The following USP15 variants were observed in gnomAD, a reference collection of about 807,000 sequenced individuals.
The protein encoded by USP15 is ubiquitin carboxyl-terminal hydrolase 15.
USP15 carries 18 observed loss-of-function variants against 127.1 expected under a neutral mutation model. The ratio of observed to expected loss-of-function variants is 0.14; its 90% confidence interval spans 0.10 to 0.21. USP15 has a LOEUF of 0.21. Ranked by LOEUF, USP15 falls within the 10% of genes least tolerant of loss-of-function variation. The pLI, the probability that USP15 is intolerant of heterozygous loss-of-function variation, is 1.00. For synonymous variants in USP15, 364 were observed against 393.7 expected (o/e 0.92, Z 0.89); for missense variants, 805 against 1,159.9 (o/e 0.69, Z 4.44).
rs757194811 is a variant in USP15 at position 62,404,187 on chromosome 12, T to G, written c.2764-6T>G. ...ATAACTGTTTTAACATCCTTTGTTT[T>G]GACAGTCCAAAGCAGCATATGTACT... On this transcript the variant is annotated splice_region_variant and splice_polypyrimidine_tract_variant and intron_variant, in intron 21 of 21. Coordinates refer to ENST00000280377, the MANE Select transcript of USP15 (RefSeq NM_001252078.2). 1.3e-6 allele frequency: 2 copies of G among 1,595,864 alleles called. No homozygotes were observed. The highest frequency in any genetic ancestry group is 2.3e-5 in the South Asian group (2 of 88,394).
At chr12:62,342,871 A>G (rs1345708415) in intron 6 of USP15, among the ~76,000 whole-genome samples, 1 of 152,186 alleles carries the variant, frequency 6.6e-6, no homozygotes, top group African/African-American at 2.4e-5. Context: ...GGCAGGAGAC[A>G]CGGGATCAGG....
chr12:62,342,509 G>A (rs1000752583), intron 6 of USP15, among the ~76,000 whole-genome samples: 4 of 152,226 alleles, frequency 2.6e-5, no homozygotes, highest in African/African-American at 7.2e-5. Flanking sequence ...AATTTTCAGC[G>A]TTTTTGTGCT....
At chr12:62,382,564 AAT>A (rs2067023532) in intron 9 of USP15, among the ~76,000 whole-genome samples, 1 of 151,954 alleles carries the variant, frequency 6.6e-6, no homozygotes, top group South Asian at 2.1e-4. Context: ...CTAGCATTCT[AAT>A]TGGTTTTATT....
rs1463009075 is a variant in USP15 at position 62,321,584 on chromosome 12, A to C, written c.596A>C (p.Gln199Pro). The change falls in exon 5 of 22, where the codon CAG becomes CCG. Residue 199 changes from glutamine to proline, a missense_variant. Coordinates refer to ENST00000280377, the MANE Select transcript of USP15 (RefSeq NM_001252078.2). Reference sequence around the variant, plus strand: ...CTGAATAAACCAGACAGCACCATTCAGGATGCTGGTTTATACCAAGGACAG... The same window carrying C: ...CTGAATAAACCAGACAGCACCATTCCGGATGCTGGTTTATACCAAGGACAG... ...EPLNKPDSTI[Q>P]DAGLYQGQVL... 2.5e-6 allele frequency: 4 copies of C among 1,595,754 alleles called. No homozygotes were observed. Among genetic ancestry groups the C allele is most frequent in the Non-Finnish European group, 2.6e-6 (3 of 1,171,962 alleles).
intron 1 of USP15, among the ~76,000 whole-genome samples, chr12:62,273,792 C>G (rs143719442): frequency 6.6e-5 from 10 of 152,002 alleles, no homozygotes; most frequent in Non-Finnish European, 1.5e-4. Context: ...GGCTCTTATT[C>G]TACGAAGTTT....
chr12:62,357,545 A>G (rs1592659759), intron 8 of USP15, among the ~76,000 whole-genome samples: 1 of 152,098 alleles, frequency 6.6e-6, no homozygotes, highest in African/African-American at 2.4e-5. Context: ...TTATAATTTT[A>G]TGGTAATAGC....
In USP15 at chr12:62,280,946, T is replaced by C. The variant is rs116246551; in HGVS notation, c.90-13233T>C. On this transcript the variant is annotated intron_variant, in intron 1 of 21. Coordinates refer to ENST00000280377, the MANE Select transcript of USP15 (RefSeq NM_001252078.2). ...TTGTATTGGTTGATATCCTAATGAC[T>C]TTAAGTCCATAAAAGAAACTCAAAG... is the stretch of plus-strand genomic sequence containing the variant. Among the ~76,000 whole-genome samples the C allele has an allele frequency of 5.0e-3, 764 of 152,332 alleles. 5 individuals are homozygous for C. Among genetic ancestry groups the C allele is most frequent in the Middle Eastern group, 0.02 (6 of 294 alleles).
chr12:62,280,294 A>C (rs1362847071), intron 1 of USP15, among the ~76,000 whole-genome samples: 2 of 152,114 alleles, frequency 1.3e-5, no homozygotes, highest in Non-Finnish European at 2.9e-5. Flanking sequence ...AGGGTTATGG[A>C]GGGATTCCCT....
chr12:62,337,411 G>A (rs372031326), intron 6 of USP15, among the ~76,000 whole-genome samples: 4 of 152,220 alleles, frequency 2.6e-5, no homozygotes, highest in Middle Eastern at 6.8e-3. Context: ...AGCAAGTCAC[G>A]TCTCAGAGCT....
chr12:62,347,051 T>C (rs972737676), intron 6 of USP15, among the ~76,000 whole-genome samples: 1 of 152,194 alleles, frequency 6.6e-6, no homozygotes, highest in African/African-American at 2.4e-5. Flanking sequence ...TTTGCTTATA[T>C]GTCATTTTTT....
intron 1 of USP15, among the ~76,000 whole-genome samples, chr12:62,272,587 T>C (rs2063368696): frequency 6.6e-6 from 1 of 152,040 alleles, no homozygotes; most frequent in African/African-American, 2.4e-5. Context: ...TGTATATCTT[T>C]CTTAAATTTG....
chr12:62,356,038 C>CT (rs2066117962), intron 8 of USP15, among the ~76,000 whole-genome samples: 1 of 148,032 alleles, frequency 6.8e-6, no homozygotes, highest in South Asian at 2.2e-4. Context: ...ATATTTATGT[C>CT]TTTGATTGAT....
chr12:62,359,446 T>TA (rs2066244897), intron 8 of USP15, among the ~76,000 whole-genome samples: 1 of 152,138 alleles, frequency 6.6e-6, no homozygotes, highest in Non-Finnish European at 1.5e-5. Context: ...TTGTAAGGGT[T>TA]ACGTGAGTTG....
intron 8 of USP15, among the ~76,000 whole-genome samples, chr12:62,368,477 A>G (rs1226626665): frequency 6.6e-6 from 1 of 152,190 alleles, no homozygotes; most frequent in Non-Finnish European, 1.5e-5. Context: ...AACTTGCTTT[A>G]TGAATCTGGG....
chr12:62,274,485 A>C (rs1237991986), intron 1 of USP15, among the ~76,000 whole-genome samples: 1 of 151,754 alleles, frequency 6.6e-6, no homozygotes, highest in Non-Finnish European at 1.5e-5. Flanking sequence ...CCCTACAAAA[A>C]ATTTTTAAAA....
At chr12:62,353,850 G>A (rs540926262) in intron 7 of USP15, among the ~76,000 whole-genome samples, 2 of 152,110 alleles carry the variant, frequency 1.3e-5, no homozygotes, top group Middle Eastern at 3.4e-3. Context: ...AAAGAAAGAT[G>A]CATGAATTAT....
At chr12:62,367,235 G>GT (rs1565890790) in intron 8 of USP15, among the ~76,000 whole-genome samples, 1 of 151,106 alleles carries the variant, frequency 6.6e-6, no homozygotes, top group Non-Finnish European at 1.5e-5. Flanking sequence ...TTGTTTGTTT[G>GT]TTTTTTGTTT....
At position 62,349,265 on chromosome 12, in the gene USP15, C is replaced by T; in HGVS notation, c.728C>T (p.Pro243Leu). The T allele has an allele frequency of 6.6e-7, 1 of 1,507,204 alleles. No individual in the cohort carries two copies. The highest frequency in any genetic ancestry group is 1.4e-5 in the African/African-American group (1 of 72,068). 93.4% of individuals were successfully genotyped at this position (1,507,204 alleles called of 1,614,324 possible). A position where few individuals can be genotyped will look rare whatever the true frequency, so the allele number is the denominator to read the frequency against. ...TTTTCAACTTTACCAAAGATCTCTC[C>T]TTCATCTCTATCAAATAATTATAAC... Reference protein sequence around the residue: ...SNFSTLPKISPSSLSNNYNNM... With the variant: ...SNFSTLPKISLSSLSNNYNNM... The change falls in exon 7 of 22, where the codon CCT (proline) becomes CTT (leucine). Residue 243 changes from proline (P) to leucine (L), a missense_variant. Physicochemically the swap from Pro to Leu is moderately conservative, Grantham distance 98 (BLOSUM62 -3). This residue lies in a region of USP15 where 84 missense variants were observed against 107.7 expected (regional missense o/e 0.78). Coordinates refer to ENST00000280377, the MANE Select transcript of USP15 (RefSeq NM_001252078.2).
intron 3 of USP15, among the ~76,000 whole-genome samples, chr12:62,310,010 A>G (rs1019448080): frequency 6.6e-6 from 1 of 152,016 alleles, no homozygotes; most frequent in Non-Finnish European, 1.5e-5. Context: ...AAAAGAAGAT[A>G]CAAGACTGTC....
Sources: gnomAD v4.1 joint callset for allele counts (sites outside exome capture counted in the v4.1 genomes callset) on GRCh38, gnomAD v4.1.1 for gene constraint, gnomAD v4.1.1 regional missense constraint, MANE v1.5 for transcripts, NCBI Gene and HGNC (gene_info 2026-07-23, HGNC 2026-07-21) for gene names.